TIE1: variants seen among roughly 807,000 people sequenced by gnomAD.
TIE1 encodes tyrosine kinase with immunoglobulin like and EGF like domains 1.
A neutral mutation model predicts 130.5 loss-of-function variants in TIE1; 89 were observed. The ratio of observed to expected loss-of-function variants is 0.68; its 90% CI spans 0.57 to 0.81. The LOEUF is 0.81. TIE1 is among the 40% of genes least tolerant of loss of function. TIE1 has a pLI of 0.00. For missense variants in TIE1, 1,392 were observed against 1,559.8 expected, an observed-to-expected ratio of 0.89 and a Z score of 1.81; for synonymous variants, 568 against 629.4, an observed-to-expected ratio of 0.90 and a Z score of 1.46.
chr1:43,317,689 C>T lies in TIE1; in HGVS notation c.2731+15C>T. 6.4e-7 allele frequency: 1 copy of T among 1,555,962 alleles called. No individual in the cohort carries two copies. On this transcript the variant is annotated intron_variant, in intron 16 of 22. Transcript: ENST00000372476. The surrounding 1 kb of genome is among the most constrained non-coding windows in gnomAD (Gnocchi z 5.1). The stretch of plus-strand genomic sequence containing the variant: ...TAAGAACCGAGGTGAGCCCCCAGCT[C>T]ATCACCTACCCCTTCTTCCAAACCC...
Position 43,305,005 on chromosome 1 carries a change from C to T in TIE1, c.213C>T (p.Arg71=), listed in dbSNP as rs762125230. 6.5e-7 allele frequency: 1 copy of T among 1,541,780 alleles called. No homozygotes were observed. Among genetic ancestry groups the T allele is most frequent in the Non-Finnish European group, 8.7e-7 (1 of 1,143,052 alleles). Residue 71 remains arginine, a synonymous_variant, in exon 2 of 23, where the codon CGC becomes CGT. Transcript: ENST00000372476. ...LLLEKDDRIV[R]TPPGPPLRLA... ...TGGAGAAGGACGACCGTATCGTGCG[C>T]ACCCCGCCCGGGCCACCCCTGCGCC...
Position 43,322,753 on chromosome 1 carries a change from G to A in TIE1, c.*31G>A. On this transcript the variant is annotated 3_prime_UTR_variant, in exon 23 of 23. Coordinates refer to ENST00000372476, the MANE Select transcript of TIE1 (RefSeq NM_005424.5). This position sits in a 1 kb window ranked among gnomAD's most constrained non-coding sequence, Gnocchi z 4.0. ...CATCCAGCCAGAACGTGGCTCTGCT[G>A]GCCGGAGCAAACTCTGCTGTCTAAC... The A allele has an allele frequency of 6.2e-7, 1 of 1,607,894 alleles. No individual in the cohort carries two copies. The highest frequency in any genetic ancestry group is 1.1e-5 in the South Asian group (1 of 90,636).
chr1:43,309,740 C>T lies in TIE1; in HGVS notation c.1333+208C>T, dbSNP rs886130184. On this transcript the variant is annotated intron_variant, in intron 9 of 22. Coordinates refer to ENST00000372476, the MANE Select transcript of TIE1 (RefSeq NM_005424.5). The surrounding 1 kb of genome is among the most constrained non-coding windows in gnomAD (Gnocchi z 6.3). Reference sequence around the variant, plus strand: ...ACAGCTTAGACCCATCTGGAAAGGACATCCCGTGCCCCAGAAACTGGGGAC... The same window carrying T: ...ACAGCTTAGACCCATCTGGAAAGGATATCCCGTGCCCCAGAAACTGGGGAC... 6.6e-6 allele frequency among the ~76,000 whole-genome samples: 1 copy of T among 152,108 alleles called. No homozygotes were observed. The highest frequency in any genetic ancestry group is 2.4e-5 in the African/African-American group (1 of 41,408).
At position 43,309,146 on chromosome 1, in the gene TIE1, AC is replaced by A; in HGVS notation, c.1188+19del. ...CTGTGCTCCTGGTCAGCCCCCAATC[AC>A]CCCAACCCACCAGCCCCTCAGGCCG... On this transcript the variant is annotated intron_variant, in intron 8 of 22. Transcript: ENST00000372476. This position sits in a 1 kb window ranked among gnomAD's most constrained non-coding sequence, Gnocchi z 6.3. The A allele has an allele frequency of 6.4e-7, 1 of 1,571,338 alleles. No individual in the cohort carries two copies. The highest frequency in any genetic ancestry group is 8.7e-7 in the Non-Finnish European group (1 of 1,155,364).
chr1:43,307,726 C>T lies in TIE1; in HGVS notation c.914-70C>T. 6.2e-7 allele frequency: 1 copy of T among 1,605,444 alleles called. No homozygotes were observed. Among genetic ancestry groups the T allele is most frequent in the Admixed American group, 1.7e-5 (1 of 59,776 alleles). On this transcript the variant is annotated intron_variant, in intron 6 of 22. Coordinates refer to ENST00000372476, the MANE Select transcript of TIE1 (RefSeq NM_005424.5). This position sits in a 1 kb window ranked among gnomAD's most constrained non-coding sequence, Gnocchi z 5.4. The stretch of plus-strand genomic sequence containing the variant: ...GCCTGTTGTATAACCTGTGCCCCAT[C>T]TGCGCCCTCATCTGTGCCCTCATTG...
rs1646812161 is a variant in TIE1 at position 43,312,699 on chromosome 1, T to C, written c.1927+98T>C. 7.2e-7 allele frequency: 1 copy of C among 1,391,280 alleles called. No individual in the cohort carries two copies. Among genetic ancestry groups the C allele is most frequent in the Non-Finnish European group, 9.7e-7 (1 of 1,032,098 alleles). The allele number at this position is 1,391,280 out of a possible 1,614,324, so 86.2% of individuals were successfully genotyped here. A position where few individuals can be genotyped will look rare whatever the true frequency, so the allele number is the denominator to read the frequency against. On this transcript the variant is annotated intron_variant, in intron 12 of 22. Transcript: ENST00000372476. The surrounding 1 kb of genome is among the most constrained non-coding windows in gnomAD (Gnocchi z 5.6). The stretch of plus-strand genomic sequence containing the variant: ...GACACGGGAGGCTGTAGGAGATTAA[T>C]GGACATGGAGAGGACACAGGACACA...
At chr1:43,301,667 G>A (rs1432086226) in intron 1 of TIE1, among the ~76,000 whole-genome samples, 2 of 152,100 alleles carry the variant, frequency 1.3e-5, no homozygotes, top group South Asian at 2.1e-4. Flanking sequence ...TCAGGAGATC[G>A]AGACCAGCCT....
rs1337325588 is a variant in TIE1 at position 43,315,992 on chromosome 1, G to A, written c.2410-1207G>A. Reference sequence around the variant, plus strand: ...GAGGATTGCCTGTGCCCAAAAGCTCGAGGTAACAATGAGCTGAGATCGTGC... The same window carrying A: ...GAGGATTGCCTGTGCCCAAAAGCTCAAGGTAACAATGAGCTGAGATCGTGC... On this transcript the variant is annotated intron_variant, in intron 14 of 22. Coordinates refer to ENST00000372476, the MANE Select transcript of TIE1 (RefSeq NM_005424.5). This position sits in a 1 kb window ranked among gnomAD's most constrained non-coding sequence, Gnocchi z 4.4. Among the ~76,000 whole-genome samples the A allele has an allele frequency of 3.3e-5, 5 of 152,152 alleles. No homozygotes were observed. The highest frequency in any genetic ancestry group is 5.9e-5 in the Non-Finnish European group (4 of 68,030).
rs1646894456 is a variant in TIE1 at position 43,319,685 on chromosome 1, G to A, written c.3107+156G>A. ...GTGTGTCTTGGGTATAAAGTACCTA[G>A]CCAAGGTGGGGCTTGCTGGAAGGAG... is the stretch of plus-strand genomic sequence containing the variant. On this transcript the variant is annotated intron_variant, in intron 19 of 22. Coordinates refer to ENST00000372476, the MANE Select transcript of TIE1 (RefSeq NM_005424.5). The surrounding 1 kb of genome is among the most constrained non-coding windows in gnomAD (Gnocchi z 4.7). The A allele has an allele frequency of 1.4e-6, 1 of 716,768 alleles. No individual in the cohort carries two copies. The highest frequency in any genetic ancestry group is 2.6e-5 in the East Asian group (1 of 38,690). The allele number at this position is 716,768 out of a possible 1,614,324, so 44.4% of individuals were successfully genotyped here.
In TIE1 at chr1:43,315,761, G is replaced by C. The variant is rs781539274; in HGVS notation, c.2410-1438G>C. 7.2e-5 allele frequency among the ~76,000 whole-genome samples: 11 copies of C among 152,186 alleles called. No homozygotes were observed. The highest frequency in any genetic ancestry group is 3.2e-3 in the Middle Eastern group (1 of 316). On this transcript the variant is annotated intron_variant, in intron 14 of 22. Coordinates refer to ENST00000372476, the MANE Select transcript of TIE1 (RefSeq NM_005424.5). This position sits in a 1 kb window ranked among gnomAD's most constrained non-coding sequence, Gnocchi z 4.4. ...CACAGAAAGCCCTCACTGCTGTGGT[G>C]GGGGAGGGTAATGGGTACAGATGTC...
rs1336091389 is a variant in TIE1 at position 43,318,171 on chromosome 1, G to A, written c.2922+99G>A. 6.3e-6 allele frequency: 9 copies of A among 1,424,524 alleles called. No homozygotes were observed. Among genetic ancestry groups the A allele is most frequent in the Non-Finnish European group, 8.4e-6 (9 of 1,071,782 alleles). The allele number at this position is 1,424,524 out of a possible 1,614,324, so 88.2% of individuals were successfully genotyped here. A position where few individuals can be genotyped will look rare whatever the true frequency, so the allele number is the denominator to read the frequency against. On this transcript the variant is annotated intron_variant, in intron 17 of 22. Transcript: ENST00000372476. The surrounding 1 kb of genome is among the most constrained non-coding windows in gnomAD (Gnocchi z 4.4). ...GGCCCTGATTGTATCTGGGGATTGAGGTTCCTGGCCCAAGTGTGTGGGTGG... is the reference window on the plus strand; with the variant it reads ...GGCCCTGATTGTATCTGGGGATTGAAGTTCCTGGCCCAAGTGTGTGGGTGG...
In TIE1 at chr1:43,313,623, C is replaced by G. The variant is rs556662221; in HGVS notation, c.2219-155C>G. 3 of 1,059,252 alleles carry G rather than the reference C, an allele frequency of 2.8e-6. No homozygotes were observed. The highest frequency in any genetic ancestry group is 4.0e-6 in the Non-Finnish European group (3 of 750,126). 65.6% of individuals were successfully genotyped at this position (1,059,252 alleles called of 1,614,324 possible). ...GGGCTGGGAAAATCATGTCGCCCCT[C>G]TGACACCCCTCATCCCTTCCTTCAT... On this transcript the variant is annotated intron_variant, in intron 13 of 22. Coordinates refer to ENST00000372476, the MANE Select transcript of TIE1 (RefSeq NM_005424.5). The surrounding 1 kb of genome is among the most constrained non-coding windows in gnomAD (Gnocchi z 6.2).
In TIE1 at chr1:43,322,254, A is replaced by C. The variant is rs1431376973; in HGVS notation, c.3346-397A>C. Among the ~76,000 whole-genome samples, 1 of 152,248 alleles carries C rather than the reference A, an allele frequency of 6.6e-6. No homozygotes were observed. The highest frequency in any genetic ancestry group is 1.9e-4 in the East Asian group (1 of 5,198). On this transcript the variant is annotated intron_variant, in intron 22 of 22. Coordinates refer to ENST00000372476, the MANE Select transcript of TIE1 (RefSeq NM_005424.5). This position sits in a 1 kb window ranked among gnomAD's most constrained non-coding sequence, Gnocchi z 4.0. ...ATGAAAAATATATCAAAATTAGTAA[A>C]TATGAAGAGTTCTTCAAGTAAATTA...
chr1:43,313,470 A>T lies in TIE1; in HGVS notation c.2218+45A>T, dbSNP rs2153912080. 1 of 1,602,960 alleles carries T rather than the reference A, an allele frequency of 6.2e-7. No individual in the cohort carries two copies. On this transcript the variant is annotated intron_variant, in intron 13 of 22. Coordinates refer to ENST00000372476, the MANE Select transcript of TIE1 (RefSeq NM_005424.5). This position sits in a 1 kb window ranked among gnomAD's most constrained non-coding sequence, Gnocchi z 6.2. Reference sequence around the variant, plus strand: ...AGGACCCCCCGGGCTCTGAGCGGGGAGAGCTCAGCACGCTCTCCTTCCACA... The same window carrying T: ...AGGACCCCCCGGGCTCTGAGCGGGGTGAGCTCAGCACGCTCTCCTTCCACA...
intron 14 of TIE1, chr1:43,314,644 A>G (rs1324072397): frequency 1.4e-6 from 1 of 713,282 alleles, no homozygotes; most frequent in Non-Finnish European, 1.7e-6. Flanking sequence ...CCTGGCCAAC[A>G]TGGTGAAACC....
chr1:43,310,856 A>G (rs1313287877), intron 9 of TIE1, among the ~76,000 whole-genome samples: 2 of 152,116 alleles, frequency 1.3e-5, no homozygotes, highest in African/African-American at 4.8e-5. Flanking sequence ...ACACTCCCTC[A>G]GCTTACAGCG....
rs913275227 is a variant in TIE1 at position 43,306,664 on chromosome 1, A to G, written c.485-176A>G. Among the ~76,000 whole-genome samples, 1 of 152,140 alleles carries G rather than the reference A, an allele frequency of 6.6e-6. No homozygotes were observed. Among genetic ancestry groups the G allele is most frequent in the African/African-American group, 2.4e-5 (1 of 41,426 alleles). ...TGATTTACTGGGTGGCTGGTGGAGC[A>G]TGAAGAAGAGGGCACTTCTGAGCTT... On this transcript the variant is annotated intron_variant, in intron 3 of 22. Coordinates refer to ENST00000372476, the MANE Select transcript of TIE1 (RefSeq NM_005424.5). This position sits in a 1 kb window ranked among gnomAD's most constrained non-coding sequence, Gnocchi z 4.9.
rs966054646 is a variant in TIE1 at position 43,322,897 on chromosome 1, T to C, written c.*175T>C. 1 of 601,274 alleles carries C rather than the reference T, an allele frequency of 1.7e-6. No individual in the cohort carries two copies. Among genetic ancestry groups the C allele is most frequent in the Non-Finnish European group, 2.9e-6 (1 of 339,056 alleles). 37.2% of individuals were successfully genotyped at this position (601,274 alleles called of 1,614,324 possible). On this transcript the variant is annotated 3_prime_UTR_variant, in exon 23 of 23. Coordinates refer to ENST00000372476, the MANE Select transcript of TIE1 (RefSeq NM_005424.5). This position sits in a 1 kb window ranked among gnomAD's most constrained non-coding sequence, Gnocchi z 4.0. ...TGGGCTTAGGGGAACTGGGTTCCCATGCTTTGTAGGTGTCTCATAGCTATC... is the reference window on the plus strand; with the variant it reads ...TGGGCTTAGGGGAACTGGGTTCCCACGCTTTGTAGGTGTCTCATAGCTATC...
rs1646933902 is a variant in TIE1, at chr1:43,322,930, T to C, written c.*208T>C. On this transcript the variant is annotated 3_prime_UTR_variant, in exon 23 of 23. Transcript: ENST00000372476. The surrounding 1 kb of genome is among the most constrained non-coding windows in gnomAD (Gnocchi z 4.0). The stretch of plus-strand genomic sequence containing the variant: ...AGGTGTCTCATAGCTATCCTGGGCA[T>C]CCTTCTTTCTAGTTCAGCTGCCCCA... 6 of 555,998 alleles carry C rather than the reference T, an allele frequency of 1.1e-5. No individual in the cohort carries two copies. Among genetic ancestry groups the C allele is most frequent in the Non-Finnish European group, 1.9e-5 (6 of 310,868 alleles). 34.4% of individuals were successfully genotyped at this position (555,998 alleles called of 1,614,324 possible).
Sources: allele counts gnomAD v4.1 joint callset (sites outside exome capture counted in the v4.1 genomes callset), GRCh38; gene constraint gnomAD v4.1.1; non-coding constraint Gnocchi (gnomAD v3.1); transcripts MANE v1.5; gene names NCBI Gene and HGNC (gene_info 2026-07-23, HGNC 2026-07-21).